The following PTPRK variants were observed in gnomAD, a reference collection of about 807,000 sequenced individuals.
PTPRK encodes receptor-type tyrosine-protein phosphatase kappa.
A neutral mutation model predicts 178.0 loss-of-function variants in PTPRK; 75 were observed. The observed-to-expected ratio is 0.42, with a 90% CI of 0.35 to 0.51. The LOEUF (loss-of-function observed/expected upper bound fraction) is 0.51. Among genes scored for constraint, PTPRK ranks in the 20% least tolerant of loss-of-function variants. PTPRK has a pLI of 0.02. For synonymous variants in PTPRK, 637 were observed against 620.6 expected (o/e 1.03, Z -0.39); for missense variants, 1,441 against 1,797.8 (o/e 0.80, Z 3.59).
intron 13 of PTPRK, among the ~76,000 whole-genome samples, chr6:128,056,020 T>TA (rs1372088527): frequency 6.6e-6 from 1 of 150,984 alleles, no homozygotes; most frequent in African/African-American, 2.4e-5. Flanking sequence ...ATCTTGGAAT[T>TA]AGACTTGTGT....
intron 6 of PTPRK, among the ~76,000 whole-genome samples, chr6:128,205,777 C>CAAAAAAAA (rs57003128): frequency 3.9e-4 from 6 of 15,222 alleles, no homozygotes; most frequent in African/African-American, 9.6e-4. Context: ...CATCACAGAC[C>CAAAAAAAA]AAAAAAAAAA....
intron 14 of PTPRK, 135 bp downstream of exon 14, chr6:128,008,995 G>A (rs1778749110): frequency 1.0e-5 from 7 of 686,470 alleles, no homozygotes; most frequent in Non-Finnish European, 1.6e-5. Context: ...ATAGACTCAG[G>A]TGCTGACAAC....
chr6:128,303,745 T>G (rs1825975878), intron 3 of PTPRK, among the ~76,000 whole-genome samples: 1 of 152,198 alleles, frequency 6.6e-6, no homozygotes, highest in Non-Finnish European at 1.5e-5. Flanking sequence ...TTAAAATAAG[T>G]TGTTCAAGCA....
At chr6:128,499,699 CT>C (rs1855264634) in intron 1 of PTPRK, among the ~76,000 whole-genome samples, 1 of 152,166 alleles carries the variant, frequency 6.6e-6, no homozygotes, top group South Asian at 2.1e-4. Context: ...GTTAGAAATT[CT>C]TTTTGCATTG....
chr6:128,238,185 C>CAAAAAAAAAAAAAAAAAAAAAAGA, intron 5 of PTPRK: 1 of 203,782 alleles, frequency 4.9e-6, no homozygotes, highest in Non-Finnish European at 9.2e-6. Context: ...TAGCAAACGC[C>CAAAAAAAAAAAAAAAAAAAAAAGA]AAAAAAAAAA....
chr6:128,377,211 T>G (rs923045758), intron 2 of PTPRK, among the ~76,000 whole-genome samples: 2 of 152,220 alleles, frequency 1.3e-5, no homozygotes, highest in African/African-American at 4.8e-5. Flanking sequence ...TTGGGTAATT[T>G]ATGCAGGAAA....
At chr6:128,313,625 A>T (rs979495624) in intron 3 of PTPRK, among the ~76,000 whole-genome samples, 1 of 152,208 alleles carries the variant, frequency 6.6e-6, no homozygotes, top group Non-Finnish European at 1.5e-5. Context: ...AGATTAGAGT[A>T]GTTGCCTGAG....
At chr6:128,427,671 T>C (rs1005635826) in intron 1 of PTPRK, among the ~76,000 whole-genome samples, 1 of 152,244 alleles carries the variant, frequency 6.6e-6, no homozygotes, top group Admixed American at 6.5e-5. Flanking sequence ...AAAGTAAAGC[T>C]AGATATCGTC....
intron 7 of PTPRK, among the ~76,000 whole-genome samples, chr6:128,099,178 T>TTATA (rs1174260138): frequency 3.3e-4 from 49 of 146,670 alleles, no homozygotes; most frequent in Non-Finnish European, 5.7e-4. Context: ...AATAATACAT[T>TTATA]TATATATATA....
intron 2 of PTPRK, among the ~76,000 whole-genome samples, chr6:128,346,110 G>A (rs1056385922): frequency 2.0e-5 from 3 of 152,066 alleles, no homozygotes; most frequent in Non-Finnish European, 4.4e-5. Context: ...AAGCAGGAAA[G>A]AAAAGAAGGA....
chr6:128,076,220 T>C (rs1001411633), intron 11 of PTPRK, among the ~76,000 whole-genome samples: 7 of 152,014 alleles, frequency 4.6e-5, no homozygotes, highest in African/African-American at 1.7e-4. Context: ...AATGATTACA[T>C]TAAATTGAAT....
chr6:128,274,844 T>A (rs1457632442), intron 3 of PTPRK, among the ~76,000 whole-genome samples: 2 of 152,014 alleles, frequency 1.3e-5, no homozygotes, highest in Admixed American at 1.3e-4. Flanking sequence ...AAGACAAATT[T>A]CTGGCCTCAG....
At chr6:128,212,566 TACAGGCCTACTGTCAACAATCTGAAA>T (rs2128266718) in intron 6 of PTPRK, among the ~76,000 whole-genome samples, 1 of 152,216 alleles carries the variant, frequency 6.6e-6, no homozygotes, top group South Asian at 2.1e-4. Flanking sequence ...AGAAAACGTG[TACAGGCCTACTGTCAACAATCTGAAA>T]TAAAATTCCC....
intron 7 of PTPRK, among the ~76,000 whole-genome samples, chr6:128,173,019 A>G (rs1409448428): frequency 6.6e-6 from 1 of 152,096 alleles, no homozygotes; most frequent in Admixed American, 6.6e-5. Flanking sequence ...GTAAGAGAGC[A>G]ATAAAGGGAC....
At chr6:128,186,518 C>A (rs548578862) in intron 6 of PTPRK, among the ~76,000 whole-genome samples, 146 of 152,180 alleles carry the variant, frequency 9.6e-4, no homozygotes, top group African/African-American at 3.4e-3. Flanking sequence ...CTACAACATC[C>A]ATTCCTGATA....
At chr6:128,121,302 T>A (rs1344131003) in intron 7 of PTPRK, among the ~76,000 whole-genome samples, 1 of 152,016 alleles carries the variant, frequency 6.6e-6, no homozygotes, top group South Asian at 2.1e-4. Flanking sequence ...CAGTAGGGAC[T>A]GATAGTCATT....
chr6:128,514,130 A>T (rs1857577638), intron 1 of PTPRK, among the ~76,000 whole-genome samples: 1 of 152,208 alleles, frequency 6.6e-6, no homozygotes, highest in Non-Finnish European at 1.5e-5. Flanking sequence ...ATTAATAGAT[A>T]CCAATCTGGA....
intron 3 of PTPRK, among the ~76,000 whole-genome samples, chr6:128,302,791 G>A (rs374599376): frequency 6.6e-5 from 10 of 152,164 alleles, no homozygotes; most frequent in African/African-American, 2.4e-4. Context: ...TACTAGCTTA[G>A]CTCCTTCTCA....
chr6:128,464,833 A>G (rs1849645808), intron 1 of PTPRK, among the ~76,000 whole-genome samples: 1 of 146,542 alleles, frequency 6.8e-6, no homozygotes. Context: ...AAGATCACTG[A>G]GATTTAAAAA....
Sources: allele counts gnomAD v4.1 joint callset (sites outside exome capture counted in the v4.1 genomes callset), GRCh38; gene constraint gnomAD v4.1.1; transcripts MANE v1.5; gene names NCBI Gene and HGNC (gene_info 2026-07-23, HGNC 2026-07-21).